DSG1: variants seen among roughly 807,000 people sequenced by gnomAD.
DSG1 encodes desmoglein-1.
A neutral mutation model predicts 97.5 loss-of-function variants in DSG1; 39 were observed. That is an observed-to-expected ratio of 0.40 (90% CI 0.31 to 0.52). DSG1 has a LOEUF of 0.52. Ranked by LOEUF, DSG1 falls within the 20% of genes least tolerant of loss-of-function variation. DSG1 has a pLI of 0.53. For synonymous variants in DSG1, 475 were observed against 443.4 expected, an observed-to-expected ratio of 1.07 and a Z score of -0.90; for missense variants, 1,311 against 1,295.4, an observed-to-expected ratio of 1.01 and a Z score of -0.18.
chr18:31,332,746 TTTAA>T (rs1318054959), intron 6 of DSG1, among the ~76,000 whole-genome samples: 5 of 152,196 alleles, frequency 3.3e-5, no homozygotes, highest in Admixed American at 3.3e-4. Flanking sequence ...TTTAATACTC[TTTAA>T]TTATCTAAAT....
At chr18:31,319,348 GGGTT>G (rs2071639743) in intron 1 of DSG1, among the ~76,000 whole-genome samples, 1 of 152,124 alleles carries the variant, frequency 6.6e-6, no homozygotes, top group South Asian at 2.1e-4. Flanking sequence ...CTGGAATGTT[GGGTT>G]GGTTGGTATA....
rs934549360 is a variant in DSG1, at chr18:31,321,428, G to A, written c.48+3080G>A. ...ATAGTGATATGTAGTATAGAGATCA[G>A]TGTTTCAGTAAAATATTTTGTAGAA... On this transcript the variant is annotated intron_variant, in intron 1 of 14. Coordinates refer to ENST00000257192, the MANE Select transcript of DSG1 (RefSeq NM_001942.4). Among the ~76,000 whole-genome samples the A allele has an allele frequency of 3.3e-5, 5 of 152,260 alleles. No homozygotes were observed. The South Asian group carries it at 1.0e-3, about 32-fold the overall frequency.
At position 31,318,233 on chromosome 18, in the gene DSG1, G is replaced by T; in HGVS notation, c.-68G>T. 1 of 1,358,990 alleles carries T rather than the reference G, an allele frequency of 7.4e-7. No individual in the cohort carries two copies. The allele number at this position is 1,358,990 out of a possible 1,614,324, so 84.2% of individuals were successfully genotyped here. A position where few individuals can be genotyped will look rare whatever the true frequency, so the allele number is the denominator to read the frequency against. ...TTAATCAGACACCAGCTGAGTGGGA[G>T]AAAGAAAAAGAACAGAGAAGAACAA... is the stretch of plus-strand genomic sequence containing the variant. On this transcript the variant is annotated 5_prime_UTR_variant, in exon 1 of 15. Transcript: ENST00000257192.
intron 3 of DSG1, among the ~76,000 whole-genome samples, chr18:31,327,413 A>G (rs979038263): frequency 2.6e-5 from 4 of 152,136 alleles, no homozygotes; most frequent in South Asian, 4.1e-4. Context: ...GCCCTCTCTC[A>G]TACCCCTTTT....
intron 14 of DSG1, among the ~76,000 whole-genome samples, chr18:31,347,311 A>T (rs2071847707): frequency 6.6e-6 from 1 of 152,164 alleles, no homozygotes; most frequent in African/African-American, 2.4e-5. Context: ...CCAATCTCTG[A>T]TCAAATATCA....
At chr18:31,335,146 C>G (rs921763670) in intron 8 of DSG1, among the ~76,000 whole-genome samples, 4 of 152,118 alleles carry the variant, frequency 2.6e-5, no homozygotes, top group Non-Finnish European at 4.4e-5. Context: ...TAATTTGAGA[C>G]AGTACGCAGG....
intron 1 of DSG1, among the ~76,000 whole-genome samples, chr18:31,325,804 T>A (rs2071682083): frequency 6.6e-6 from 1 of 152,162 alleles, no homozygotes; most frequent in African/African-American, 2.4e-5. Context: ...ACAGCTCAAG[T>A]GAAAATTTAT....
chr18:31,325,297 C>T (rs972788793), intron 1 of DSG1, among the ~76,000 whole-genome samples: 2 of 152,192 alleles, frequency 1.3e-5, no homozygotes, highest in African/African-American at 4.8e-5. Flanking sequence ...TAGTCATCTG[C>T]ATAGCTTTCC....
In DSG1 at chr18:31,346,142, A is replaced by G. The variant is rs1347710317; in HGVS notation, c.2044A>G (p.Arg682Gly). 6.2e-7 allele frequency: 1 copy of G among 1,613,984 alleles called. No individual in the cohort carries two copies. Among genetic ancestry groups the G allele is most frequent in the South Asian group, 1.1e-5 (1 of 91,078 alleles). The change falls in exon 14 of 15, where the codon AGG (arginine) becomes GGG (glycine). Residue 682 changes from arginine (R) to glycine (G), a missense_variant. Arg to Gly is a moderately radical substitution (Grantham distance 125). Around this residue, in one of 3 missense-constraint regions of DSG1, gnomAD observed 1,038 missense variants for 964.6 expected, o/e 1.08. Transcript: ENST00000257192. The stretch of plus-strand genomic sequence containing the variant: ...TGGAACATTAAGAAGAAATTCTATG[A>G]GGGAATGTAGAGAAGGAGGTCTGAA... Reference protein sequence around the residue: ...YSGTLRRNSMRECREGGLNMN... With the variant: ...YSGTLRRNSMGECREGGLNMN...
At chr18:31,330,317 GC>G (rs1453208110) in intron 5 of DSG1, among the ~76,000 whole-genome samples, 1 of 152,080 alleles carries the variant, frequency 6.6e-6, no homozygotes, top group East Asian at 1.9e-4. Context: ...GGTGGCAGAG[GC>G]ATCGGGATGT....
Position 31,355,199 on chromosome 18 carries a change from T to G in DSG1, c.3003T>G (p.Ile1001Met). The G allele has an allele frequency of 2.5e-6, 4 of 1,602,412 alleles. No individual in the cohort carries two copies. The highest frequency in any genetic ancestry group is 3.4e-6 in the Non-Finnish European group (4 of 1,172,922). Residue 1001 changes from isoleucine (I) to methionine (M), a missense_variant, in exon 15 of 15, where the codon ATT becomes ATG. By Grantham distance (10) the Ile-to-Met change is conservative (BLOSUM62 1). Transcript: ENST00000257192. Reference protein sequence around the residue: ...LSGAGISGGGIGLSSLGGTAS... With the variant: ...LSGAGISGGGMGLSSLGGTAS... ...GAGCTGGCATAAGTGGTGGTGGCAT[T>G]GGCCTGAGCAGCTTGGGAGGGACAG...
intron 14 of DSG1, among the ~76,000 whole-genome samples, chr18:31,347,019 T>A (rs1343436118): frequency 6.6e-6 from 1 of 152,166 alleles, no homozygotes; most frequent in East Asian, 1.9e-4. Flanking sequence ...GATGCAATTG[T>A]CCATGGTTAC....
intron 1 of DSG1, among the ~76,000 whole-genome samples, chr18:31,320,716 A>G (rs1376888548): frequency 6.6e-6 from 1 of 152,198 alleles, no homozygotes; most frequent in Non-Finnish European, 1.5e-5. Context: ...CAGTGTATGG[A>G]GTAGAGAAAG....
intron 7 of DSG1, 135 bp downstream of exon 7, chr18:31,333,858 T>G: frequency 8.3e-7 from 1 of 1,200,184 alleles, no homozygotes; most frequent in Non-Finnish European, 1.2e-6. Context: ...TTTTTTCTTG[T>G]GTTTATGCAA....
chr18:31,337,736 T>A (rs188957628), intron 9 of DSG1, among the ~76,000 whole-genome samples: 6 of 152,266 alleles, frequency 3.9e-5, no homozygotes, highest in African/African-American at 1.4e-4. Flanking sequence ...GAGAGAGAAT[T>A]ACCTAACCAG....
intron 14 of DSG1, 81 bp downstream of exon 14, chr18:31,346,279 G>A: frequency 1.7e-6 from 2 of 1,184,416 alleles, no homozygotes; most frequent in South Asian, 1.2e-5. Context: ...TCCTAAAGGG[G>A]CTTTGGCAGG....
chr18:31,336,690 A>T, intron 9 of DSG1, 77 bp downstream of exon 9: 5 of 1,414,676 alleles, frequency 3.5e-6, no homozygotes, highest in Non-Finnish European at 4.9e-6. Flanking sequence ...GATTATAAGT[A>T]TCTGAGTTAA....
At chr18:31,324,181 A>G (rs2071671395) in intron 1 of DSG1, among the ~76,000 whole-genome samples, 1 of 150,782 alleles carries the variant, frequency 6.6e-6, no homozygotes, top group African/African-American at 2.4e-5. Flanking sequence ...ACGGGGTTTC[A>G]CCATGTTGGC....
In DSG1 at chr18:31,343,598, C is replaced by G; in HGVS notation, c.1821+15C>G. 6.2e-7 allele frequency: 1 copy of G among 1,614,104 alleles called. No individual in the cohort carries two copies. Among genetic ancestry groups the G allele is most frequent in the Non-Finnish European group, 8.5e-7 (1 of 1,180,012 alleles). ...CTGAACCCAGGGTAAGTGCCACATT[C>G]TAAGAAATAGCCGTTGGTAGTCACT... On this transcript the variant is annotated intron_variant, in intron 12 of 14. Transcript: ENST00000257192.
Sources: allele counts gnomAD v4.1 joint callset (sites outside exome capture counted in the v4.1 genomes callset), GRCh38; gene constraint gnomAD v4.1.1; regional missense constraint gnomAD v4.1.1; transcripts MANE v1.5; gene names NCBI Gene and HGNC (gene_info 2026-07-23, HGNC 2026-07-21).